The following COP1 variants were observed in gnomAD, a reference collection of about 807,000 sequenced individuals.
The protein encoded by COP1 is E3 ubiquitin-protein ligase COP1.
Under a neutral mutation model 101.3 loss-of-function variants are expected in COP1, and 24 were observed. The ratio of observed to expected loss-of-function variants is 0.24; its 90% CI spans 0.17 to 0.33. COP1 has a LOEUF of 0.33. Ranked by LOEUF, COP1 falls within the 10% of genes least tolerant of loss-of-function variation. COP1 has a pLI of 1.00. For synonymous variants in COP1, 347 were observed against 341.9 expected, an observed-to-expected ratio of 1.01 and a Z score of -0.17; for missense variants, 663 against 906.2, an observed-to-expected ratio of 0.73 and a Z score of 3.45.
chr1:176,170,975 A>C (rs1695955138), intron 3 of COP1, among the ~76,000 whole-genome samples: 1 of 151,940 alleles, frequency 6.6e-6, no homozygotes. Context: ...AATACAAAAA[A>C]TTAGCCGGGC....
intron 4 of COP1, 107 bp from the exon 5 acceptor site, chr1:176,163,095 C>T (rs1694581679): frequency 1.2e-5 from 13 of 1,100,890 alleles, no homozygotes; most frequent in East Asian, 5.4e-5. Context: ...ACATAGATAT[C>T]GAAAATATAT....
At chr1:176,094,129 A>G (rs1289852097) in intron 9 of COP1, among the ~76,000 whole-genome samples, 3 of 152,188 alleles carry the variant, frequency 2.0e-5, no homozygotes, top group Admixed American at 1.3e-4. Flanking sequence ...CAGGGCATAT[A>G]AAACAAATAG....
intron 11 of COP1, among the ~76,000 whole-genome samples, chr1:176,079,044 G>A (rs1187219793): frequency 6.6e-6 from 1 of 152,156 alleles, no homozygotes; most frequent in Non-Finnish European, 1.5e-5. Context: ...TGCTAGGAAT[G>A]CAAACTAGAT....
intron 15 of COP1, chr1:176,018,607 A>C (rs1423074713): frequency 6.6e-6 from 1 of 152,166 alleles, no homozygotes; most frequent in East Asian, 1.9e-4. Flanking sequence ...TTTGAAAAGA[A>C]CTGATTCTGT....
intron 12 of COP1, among the ~76,000 whole-genome samples, chr1:176,045,347 C>T (rs907243389): frequency 2.0e-4 from 30 of 151,554 alleles, no homozygotes; most frequent in African/African-American, 6.3e-4. Context: ...CACCAATTAT[C>T]GATATAGTAT....
chr1:176,176,080 A>G, intron 2 of COP1, 73 bp from the exon 3 acceptor site: 1 of 731,630 alleles, frequency 1.4e-6, no homozygotes, highest in South Asian at 1.6e-5. Flanking sequence ...CAAAATAATG[A>G]CTATTAGTCT....
At chr1:176,112,961 T>C (rs936016625) in intron 9 of COP1, among the ~76,000 whole-genome samples, 1 of 152,210 alleles carries the variant, frequency 6.6e-6, no homozygotes, top group East Asian at 1.9e-4. Context: ...TATCCTTTCA[T>C]CTGCTGATGG....
rs1572484724 is a variant in COP1, at chr1:176,141,420, G to C, written c.832-4873C>G. Among the ~76,000 whole-genome samples the C allele has an allele frequency of 2.0e-5, 3 of 152,274 alleles. No individual in the cohort carries two copies. In the East Asian group the frequency reaches 5.8e-4, roughly 29 times the overall value. The stretch of plus-strand genomic sequence containing the variant: ...GGAGGGTGAGGCAGGAGAATCTCTT[G>C]AACCCGGGAGGTGCAGGTTGCAGTG... On this transcript the variant is annotated intron_variant, in intron 6 of 19. Transcript: ENST00000367669.
intron 6 of COP1, among the ~76,000 whole-genome samples, chr1:176,139,983 C>T (rs1180243802): frequency 6.6e-6 from 1 of 152,152 alleles, no homozygotes; most frequent in African/African-American, 2.4e-5. Flanking sequence ...AAGTAAATAT[C>T]TGTAATATCA....
chr1:176,158,344 A>G (rs1693787941), intron 5 of COP1, among the ~76,000 whole-genome samples: 1 of 152,158 alleles, frequency 6.6e-6, no homozygotes, highest in Non-Finnish European at 1.5e-5. Flanking sequence ...TCAGACATAT[A>G]AAAGAAATAA....
chr1:176,126,100 C>T (rs1168580155), intron 8 of COP1, among the ~76,000 whole-genome samples: 1 of 152,082 alleles, frequency 6.6e-6, no homozygotes, highest in African/African-American at 2.4e-5. Context: ...TGTATCATTT[C>T]GTTCTAATAG....
chr1:176,000,034 A>T (rs542223810), intron 15 of COP1, among the ~76,000 whole-genome samples: 257 of 152,168 alleles, frequency 1.7e-3, no homozygotes, highest in Admixed American at 4.1e-3. Context: ...AGTAGTTTGC[A>T]AATATTTTCT....
At chr1:175,969,693 TAC>T (rs1158103919) in intron 18 of COP1, among the ~76,000 whole-genome samples, 6 of 152,178 alleles carry the variant, frequency 3.9e-5, no homozygotes, top group Non-Finnish European at 8.8e-5. Context: ...ATGTAAAACT[TAC>T]AGAGGTCTCC....
intron 3 of COP1, among the ~76,000 whole-genome samples, chr1:176,173,938 G>A (rs184017786): frequency 0.016 from 1,932 of 121,386 alleles, 28 homozygotes; most frequent in Middle Eastern, 0.04. Flanking sequence ...AGTGAGCCGA[G>A]ATCGTGCCAC....
At chr1:176,159,397 A>G (rs1453825027) in intron 5 of COP1, among the ~76,000 whole-genome samples, 1 of 152,208 alleles carries the variant, frequency 6.6e-6, no homozygotes, top group Non-Finnish European at 1.5e-5. Flanking sequence ...GGCAGTAACT[A>G]AAAAACAGAA....
chr1:176,016,535 A>G (rs968834360), intron 15 of COP1, among the ~76,000 whole-genome samples: 3 of 152,204 alleles, frequency 2.0e-5, no homozygotes, highest in East Asian at 3.9e-4. Context: ...AGCTGGAGTT[A>G]AGGAGGAGCT....
chr1:176,006,603 T>C (rs1471218881), intron 15 of COP1, among the ~76,000 whole-genome samples: 2 of 152,228 alleles, frequency 1.3e-5, no homozygotes, highest in Admixed American at 1.3e-4. Context: ...CTCCTTTGCT[T>C]ACGAAGCTTA....
intron 9 of COP1, among the ~76,000 whole-genome samples, chr1:176,094,427 T>C (rs1053923259): frequency 6.6e-6 from 1 of 151,816 alleles, no homozygotes; most frequent in Non-Finnish European, 1.5e-5. Flanking sequence ...ATAAATGTTT[T>C]GAAAATACAT....
intron 5 of COP1, 73 bp from the exon 6 acceptor site, chr1:176,149,147 T>C: frequency 1.1e-6 from 1 of 879,308 alleles, no homozygotes; most frequent in South Asian, 2.0e-5. Context: ...CACCATAGCA[T>C]AAACAGTATG....
Sources: allele counts gnomAD v4.1 joint callset (sites outside exome capture counted in the v4.1 genomes callset), GRCh38; gene constraint gnomAD v4.1.1; transcripts MANE v1.5; gene names NCBI Gene and HGNC (gene_info 2026-07-23, HGNC 2026-07-21).